The following USP47 variants were observed in gnomAD, a reference collection of about 807,000 sequenced individuals.
The protein encoded by USP47 is ubiquitin carboxyl-terminal hydrolase 47.
In USP47, 35 loss-of-function variants were observed where a neutral mutation model predicts 165.1. The observed-to-expected ratio is 0.21, with a 90% CI of 0.16 to 0.28. The LOEUF is 0.28. Ranked by LOEUF, USP47 falls within the 10% of genes least tolerant of loss-of-function variation. USP47 has a pLI of 1.00. For missense variants in USP47, 1,277 were observed against 1,607.4 expected (o/e 0.79, Z 3.52); for synonymous variants, 531 against 544.5 (o/e 0.98, Z 0.35).
intron 25 of USP47, among the ~76,000 whole-genome samples, chr11:11,953,629 G>A (rs1223911466): frequency 6.6e-6 from 1 of 152,056 alleles, no homozygotes; most frequent in African/African-American, 2.4e-5. Context: ...ATTATTTGAA[G>A]CAGTTATTAA....
At chr11:11,907,934 A>C (rs1852683605) in intron 8 of USP47, among the ~76,000 whole-genome samples, 1 of 152,092 alleles carries the variant, frequency 6.6e-6, no homozygotes, top group Admixed American at 6.6e-5. Flanking sequence ...CGTCTCTACT[A>C]AAAATTAGCT....
chr11:11,853,465 CAAAA>C (rs1848840925), intron 1 of USP47, among the ~76,000 whole-genome samples: 1 of 152,194 alleles, frequency 6.6e-6, no homozygotes, highest in East Asian at 1.9e-4. Context: ...AGATGACTGA[CAAAA>C]AATGATGTGA....
chr11:11,903,469 G>T, intron 7 of USP47, 127 bp downstream of exon 7: 5 of 776,910 alleles, frequency 6.4e-6, no homozygotes, highest in Non-Finnish European at 1.0e-5. Context: ...TACCCAATGG[G>T]AAATTGAAAG....
chr11:11,854,035 T>C (rs1237106718), intron 1 of USP47, among the ~76,000 whole-genome samples: 1 of 149,200 alleles, frequency 6.7e-6, no homozygotes, highest in African/African-American at 2.5e-5. Flanking sequence ...CTCAGGAGGC[T>C]GAGGCAGGAG....
chr11:11,928,021 A>G (rs1200343711), intron 11 of USP47, among the ~76,000 whole-genome samples: 1 of 152,100 alleles, frequency 6.6e-6, no homozygotes, highest in African/African-American at 2.4e-5. Flanking sequence ...ATTGTCATCT[A>G]GAAGTTGCTG....
chr11:11,845,666 G>A lies in USP47; in HGVS notation c.39+3442G>A, dbSNP rs368344315. 1.6e-3 allele frequency among the ~76,000 whole-genome samples: 241 copies of A among 152,218 alleles called. 1 individual carries two copies. The South Asian group carries it at 0.023, about 14-fold the overall frequency. On this transcript the variant is annotated intron_variant, in intron 1 of 27. Coordinates refer to ENST00000527733, the MANE Select transcript of USP47 (RefSeq NM_001282659.2). ...TGGAGCAGATATTCAGTAAATATTC[G>A]TTGATGTGGTGACAGAGTTGTAAGT...
chr11:11,933,864 GTAA>G lies in USP47; in HGVS notation c.1800_1802del (p.Met602del). 1 of 1,609,598 alleles carries G rather than the reference GTAA, an allele frequency of 6.2e-7. No individual in the cohort carries two copies. Among genetic ancestry groups the G allele is most frequent in the Non-Finnish European group, 8.5e-7 (1 of 1,177,028 alleles). ...ATTCTGTTTGCATCCTACAAAACAA[GTAA>G]TGATGGAAAATAAATTGGAGGTTCA... On this transcript the variant is annotated inframe_deletion, in exon 16 of 28. Coordinates refer to ENST00000527733, the MANE Select transcript of USP47 (RefSeq NM_001282659.2).
At chr11:11,873,459 G>C (rs1019169526) in intron 1 of USP47, among the ~76,000 whole-genome samples, 13 of 152,084 alleles carry the variant, frequency 8.5e-5, no homozygotes, top group Admixed American at 7.9e-4. Flanking sequence ...GCAAAATCAA[G>C]AGATCTCTTG....
chr11:11,958,502 C>T lies in USP47; in HGVS notation c.*2327C>T, dbSNP rs900298513. 6.6e-6 allele frequency: 1 copy of T among 152,222 alleles called. No individual in the cohort carries two copies. The highest frequency in any genetic ancestry group is 2.4e-5 in the African/African-American group (1 of 41,462). The allele number at this position is 152,222 out of a possible 1,614,324, so 9.4% of individuals were successfully genotyped here. A position where few individuals can be genotyped will look rare whatever the true frequency, so the allele number is the denominator to read the frequency against. On this transcript the variant is annotated 3_prime_UTR_variant, in exon 28 of 28. Coordinates refer to ENST00000527733, the MANE Select transcript of USP47 (RefSeq NM_001282659.2). ...CATAACCTAACAGGCAGAGCCCTAG[C>T]GATGTGGATCAAGTTTCCTGAGCCC...
chr11:11,924,145 A>G (rs2134630288), intron 11 of USP47, among the ~76,000 whole-genome samples: 1 of 152,112 alleles, frequency 6.6e-6, no homozygotes, highest in African/African-American at 2.4e-5. Context: ...TCAGTTTTTT[A>G]TGTTCTTTTC....
At chr11:11,871,065 G>C (rs935423490) in intron 1 of USP47, among the ~76,000 whole-genome samples, 1 of 152,084 alleles carries the variant, frequency 6.6e-6, no homozygotes, top group Non-Finnish European at 1.5e-5. Flanking sequence ...TAAACAGTTT[G>C]ATCCTTTTGA....
At position 11,859,920 on chromosome 11, in the gene USP47, A is replaced by G. The variant is rs961299953; in HGVS notation, c.39+17696A>G. ...GGAGTTCAAGACCAGCCTGGCCAAC[A>G]TGGCAAAATCCCATCTCTACTAAAA... On this transcript the variant is annotated intron_variant, in intron 1 of 27. Transcript: ENST00000527733. Among the ~76,000 whole-genome samples the G allele has an allele frequency of 4.6e-5, 7 of 151,998 alleles. No homozygotes were observed. In the South Asian group the frequency reaches 1.5e-3, roughly 32 times the overall value.
chr11:11,875,437 A>G (rs1212818719), intron 1 of USP47, among the ~76,000 whole-genome samples: 1 of 152,186 alleles, frequency 6.6e-6, no homozygotes, highest in Non-Finnish European at 1.5e-5. Context: ...AGACAAGATG[A>G]CTTAAGAGGC....
At chr11:11,936,787 G>A (rs1160922635) in intron 17 of USP47, among the ~76,000 whole-genome samples, 1 of 151,836 alleles carries the variant, frequency 6.6e-6, no homozygotes, top group African/African-American at 2.4e-5. Flanking sequence ...GGGCGGTACT[G>A]AATCATTCTG....
chr11:11,936,650 G>T, intron 17 of USP47, 140 bp downstream of exon 17: 1 of 646,660 alleles, frequency 1.5e-6, no homozygotes, highest in Non-Finnish European at 2.4e-6. Context: ...AGGTTGAGAA[G>T]TACTCAGCAA....
intron 1 of USP47, among the ~76,000 whole-genome samples, chr11:11,846,644 G>T (rs1848443870): frequency 6.6e-6 from 1 of 152,016 alleles, no homozygotes; most frequent in African/African-American, 2.4e-5. Flanking sequence ...AGATACTGTT[G>T]GTTGTGCTTT....
chr11:11,932,040 A>T (rs1001797860), intron 14 of USP47, among the ~76,000 whole-genome samples: 3 of 152,170 alleles, frequency 2.0e-5, no homozygotes, highest in Non-Finnish European at 4.4e-5. Flanking sequence ...TAATTGTCTC[A>T]CAGTTCTGCA....
chr11:11,910,525 T>G (rs1852890874), intron 8 of USP47, among the ~76,000 whole-genome samples: 1 of 152,070 alleles, frequency 6.6e-6, no homozygotes, highest in Admixed American at 6.5e-5. Context: ...TCTCTGTTCC[T>G]TCACCACCTC....
intron 1 of USP47, among the ~76,000 whole-genome samples, chr11:11,859,973 A>G (rs1849280978): frequency 6.6e-6 from 1 of 151,642 alleles, no homozygotes; most frequent in African/African-American, 2.4e-5. Context: ...GAGTGGTAGC[A>G]CACGCCTGTA....
Sources: allele counts gnomAD v4.1 joint callset (sites outside exome capture counted in the v4.1 genomes callset), GRCh38; gene constraint gnomAD v4.1.1; transcripts MANE v1.5; gene names NCBI Gene and HGNC (gene_info 2026-07-23, HGNC 2026-07-21).